Variants in SCFD2 observed in about 807,000 individuals in gnomAD.
SCFD2 encodes sec1 family domain containing 2, also known as sec1 family domain-containing protein 2.
In SCFD2, 54 loss-of-function variants were observed where a neutral mutation model predicts 58.9. The ratio of observed to expected loss-of-function variants is 0.92; its 90% CI spans 0.74 to 1.15. The LOEUF is 1.15. SCFD2 is among the 50% of genes most tolerant of loss of function. SCFD2 has a pLI of 0.00. For missense variants in SCFD2, 805 were observed against 836.6 expected, an observed-to-expected ratio of 0.96 and a Z score of 0.47; for synonymous variants, 321 against 335.9, an observed-to-expected ratio of 0.96 and a Z score of 0.49.
At chr4:53,289,624 T>C (rs1031700075) in intron 3 of SCFD2, among the ~76,000 whole-genome samples, 7 of 152,074 alleles carry the variant, frequency 4.6e-5, no homozygotes, top group Non-Finnish European at 1.0e-4. Flanking sequence ...AACACTTGCC[T>C]ATCAATAACA....
intron 4 of SCFD2, among the ~76,000 whole-genome samples, chr4:53,194,790 C>T (rs1407722583): frequency 6.6e-6 from 1 of 152,140 alleles, no homozygotes; most frequent in African/African-American, 2.4e-5. Context: ...TGGCACAAAT[C>T]ACCCTATATC....
chr4:52,965,013 A>AC (rs1410908921), intron 5 of SCFD2, among the ~76,000 whole-genome samples: 2 of 136,292 alleles, frequency 1.5e-5, no homozygotes, highest in East Asian at 4.1e-4. Context: ...AACAAAACAC[A>AC]AACACACACA....
At chr4:53,054,867 T>C (rs919589882) in intron 5 of SCFD2, among the ~76,000 whole-genome samples, 7 of 152,122 alleles carry the variant, frequency 4.6e-5, no homozygotes, top group Non-Finnish European at 8.8e-5. Context: ...TTGCCTGGAC[T>C]GGTTTCAAAC....
intron 4 of SCFD2, among the ~76,000 whole-genome samples, chr4:53,204,264 G>C (rs1223594512): frequency 6.6e-6 from 1 of 151,800 alleles, no homozygotes; most frequent in Non-Finnish European, 1.5e-5. Flanking sequence ...GAATATGGAA[G>C]ATAAAACAAC....
intron 5 of SCFD2, among the ~76,000 whole-genome samples, chr4:52,966,411 C>A (rs528541340): frequency 6.6e-6 from 1 of 152,322 alleles, no homozygotes; most frequent in African/African-American, 2.4e-5. Flanking sequence ...TGTGGTCAAT[C>A]TTGTGATTCC....
At chr4:52,878,911 C>G (rs1215099921) in intron 8 of SCFD2, among the ~76,000 whole-genome samples, 1 of 152,138 alleles carries the variant, frequency 6.6e-6, no homozygotes, top group Non-Finnish European at 1.5e-5. Flanking sequence ...GAACCTAAAC[C>G]TGGTCTTCCC....
intron 5 of SCFD2, among the ~76,000 whole-genome samples, chr4:52,970,642 C>G (rs1451263116): frequency 1.3e-5 from 2 of 152,198 alleles, no homozygotes; most frequent in Non-Finnish European, 2.9e-5. Context: ...ACTTAAATGT[C>G]CCTGTCTGAC....
chr4:53,019,638 A>G (rs1722299047), intron 5 of SCFD2, among the ~76,000 whole-genome samples: 2 of 152,178 alleles, frequency 1.3e-5, no homozygotes, highest in Admixed American at 1.3e-4. Context: ...GATTGTATCA[A>G]CGTTGTTGAA....
chr4:53,285,274 C>A (rs918447385), intron 3 of SCFD2, among the ~76,000 whole-genome samples: 2 of 152,100 alleles, frequency 1.3e-5, no homozygotes, highest in African/African-American at 4.8e-5. Flanking sequence ...CAGCAGATAA[C>A]ATGGCACATA....
intron 1 of SCFD2, among the ~76,000 whole-genome samples, chr4:53,353,179 C>T (rs149255895): frequency 0.018 from 2,726 of 152,240 alleles, 83 homozygotes; most frequent in African/African-American, 0.062. Context: ...CTGGTGGGTT[C>T]GTGGTCTCGC....
chr4:53,275,894 T>C (rs1481464573), intron 3 of SCFD2, among the ~76,000 whole-genome samples: 1 of 152,178 alleles, frequency 6.6e-6, no homozygotes, highest in Non-Finnish European at 1.5e-5. Flanking sequence ...TATTTCATTG[T>C]GTGGATGTAT....
intron 2 of SCFD2, among the ~76,000 whole-genome samples, chr4:53,349,650 T>C (rs1734156553): frequency 6.6e-6 from 1 of 152,206 alleles, no homozygotes; most frequent in African/African-American, 2.4e-5. Context: ...AGCCTTGGTC[T>C]AAGCTTGTAA....
chr4:53,236,832 A>T (rs935881183), intron 4 of SCFD2, among the ~76,000 whole-genome samples: 25 of 140,098 alleles, frequency 1.8e-4, no homozygotes, highest in African/African-American at 5.1e-4. Flanking sequence ...TTATTTATTT[A>T]TTTATTTATT....
At chr4:53,167,605 G>A (rs562632369) in intron 4 of SCFD2, among the ~76,000 whole-genome samples, 24 of 152,208 alleles carry the variant, frequency 1.6e-4, no homozygotes, top group African/African-American at 4.6e-4. Context: ...GAGATAGTCC[G>A]TATATATAAT....
intron 5 of SCFD2, among the ~76,000 whole-genome samples, chr4:52,961,814 T>A (rs1390634607): frequency 6.6e-6 from 1 of 152,154 alleles, no homozygotes; most frequent in Admixed American, 6.5e-5. Context: ...AGATTCTGTG[T>A]AGATGGTAAT....
chr4:53,326,673 T>G (rs1306728738), intron 2 of SCFD2, among the ~76,000 whole-genome samples: 1 of 152,158 alleles, frequency 6.6e-6, no homozygotes, highest in Non-Finnish European at 1.5e-5. Context: ...CTAGAAGATA[T>G]GCAGTCTTGC....
intron 2 of SCFD2, among the ~76,000 whole-genome samples, chr4:53,340,281 C>T (rs1489436080): frequency 2.6e-5 from 4 of 152,186 alleles, no homozygotes; most frequent in South Asian, 2.1e-4. Flanking sequence ...ACTTTTCCAA[C>T]GGTTCTAGCA....
intron 5 of SCFD2, among the ~76,000 whole-genome samples, chr4:52,972,987 A>C (rs1301426554): frequency 1.3e-5 from 2 of 152,228 alleles, no homozygotes. Context: ...AAGACACAAC[A>C]TACCGGAATC....
At chr4:52,881,590 A>G (rs560442112) in intron 8 of SCFD2, among the ~76,000 whole-genome samples, 1 of 152,374 alleles carries the variant, frequency 6.6e-6, no homozygotes, top group African/African-American at 2.4e-5. Context: ...CTGCTGAATC[A>G]TTAGTTAATC....
Sources: gnomAD v4.1 joint callset for allele counts (sites outside exome capture counted in the v4.1 genomes callset) on GRCh38, gnomAD v4.1.1 for gene constraint, MANE v1.5 for transcripts, NCBI Gene and HGNC (gene_info 2026-07-23, HGNC 2026-07-21) for gene names.